The following OVOL2 variants were observed in gnomAD, a reference collection of about 807,000 sequenced individuals.
OVOL2 encodes transcription factor Ovo-like 2.
Under a neutral mutation model 18.1 loss-of-function variants are expected in OVOL2, and 13 were observed. That is an observed-to-expected ratio of 0.72 (90% CI 0.47 to 1.14). The LOEUF is 1.14. OVOL2 is among the 50% of genes most tolerant of loss of function. The pLI, the probability that OVOL2 is intolerant of heterozygous loss-of-function variation, is 0.00. For missense variants in OVOL2, 335 were observed against 383.0 expected (o/e 0.87, Z 1.05); for synonymous variants, 166 against 162.7 (o/e 1.02, Z -0.16).
Position 18,024,479 on chromosome 20 carries a change from T to G in OVOL2, c.*157A>C. ...TGACGTCACTAACGGCAACTGACAA[T>G]CTTGGAATGGACCCTACTGCTGATG... On this transcript the variant is annotated 3_prime_UTR_variant, in exon 4 of 4. Coordinates refer to ENST00000278780, the MANE Select transcript of OVOL2 (RefSeq NM_021220.4). 1 of 1,405,014 alleles carries G rather than the reference T, an allele frequency of 7.1e-7. No individual in the cohort carries two copies. The highest frequency in any genetic ancestry group is 9.3e-7 in the Non-Finnish European group (1 of 1,072,592). The allele number at this position is 1,405,014 out of a possible 1,614,324, so 87.0% of individuals were successfully genotyped here.
At chr20:18,031,720 G>A (rs2036572031) in intron 3 of OVOL2, among the ~76,000 whole-genome samples, 1 of 152,188 alleles carries the variant, frequency 6.6e-6, no homozygotes, top group Admixed American at 6.5e-5. Context: ...TTTAAAATGT[G>A]GCTGGTGGAG....
Position 18,057,839 on chromosome 20 carries a change from C to T in OVOL2, c.-205G>A. ...TCCCAGCCTCCCGGCTCGGCGACAC[C>T]TATGCCTTAAATCGCGAGTGAGACC... On this transcript the variant is annotated 5_prime_UTR_variant, in exon 1 of 4. Coordinates refer to ENST00000278780, the MANE Select transcript of OVOL2 (RefSeq NM_021220.4). This position sits in a 1 kb window ranked among gnomAD's most constrained non-coding sequence, Gnocchi z 6.3. 1.5e-6 allele frequency: 2 copies of T among 1,358,990 alleles called. No homozygotes were observed. Among genetic ancestry groups the T allele is most frequent in the Admixed American group, 3.8e-5 (1 of 26,282 alleles). The allele number at this position is 1,358,990 out of a possible 1,614,324, so 84.2% of individuals were successfully genotyped here. A position where few individuals can be genotyped will look rare whatever the true frequency, so the allele number is the denominator to read the frequency against.
chr20:18,048,419 CTG>C (rs1358477219), intron 2 of OVOL2, among the ~76,000 whole-genome samples: 5 of 152,068 alleles, frequency 3.3e-5, no homozygotes, highest in African/African-American at 1.2e-4. Context: ...ATCTGCAACT[CTG>C]TAATTCAAAA....
intron 3 of OVOL2, among the ~76,000 whole-genome samples, chr20:18,032,317 GAGAA>G (rs1448783414): frequency 1.4e-5 from 2 of 140,816 alleles, no homozygotes; most frequent in African/African-American, 2.7e-5. Flanking sequence ...GAGAGAGAGA[GAGAA>G]AGAAAGAGAG....
In OVOL2 at chr20:18,057,563, A is replaced by C. The variant is rs1209483571; in HGVS notation, c.72T>G (p.Asp24Glu). ...GGATGTAGGTGTCTGCCCTTTTCTCATCCGGGAGCTCATCCCAGCTGCGGA... is the reference window on the plus strand; with the variant it reads ...GGATGTAGGTGTCTGCCCTTTTCTCCTCCGGGAGCTCATCCCAGCTGCGGA... ...VSVRSWDELP[D>E]EKRADTYIPV... Residue 24 changes from aspartate to glutamate, a missense_variant, in exon 1 of 4, where the codon GAT becomes GAG. Transcript: ENST00000278780. This position sits in a 1 kb window ranked among gnomAD's most constrained non-coding sequence, Gnocchi z 6.3. 14 of 1,591,406 alleles carry C rather than the reference A, an allele frequency of 8.8e-6. No individual in the cohort carries two copies. The highest frequency in any genetic ancestry group is 1.2e-5 in the Non-Finnish European group (14 of 1,169,524).
intron 2 of OVOL2, among the ~76,000 whole-genome samples, chr20:18,053,278 C>G (rs998790399): frequency 6.6e-6 from 1 of 152,220 alleles, no homozygotes; most frequent in African/African-American, 2.4e-5. Context: ...GAAAGCTAAA[C>G]ACTTTACACC....
intron 2 of OVOL2, among the ~76,000 whole-genome samples, chr20:18,044,372 C>T (rs2036705156): frequency 6.6e-6 from 1 of 152,198 alleles, no homozygotes; most frequent in South Asian, 2.1e-4. Flanking sequence ...GGTCCCATTC[C>T]TGCCTCCCTA....
rs115042912 is a variant in OVOL2 at position 18,026,780 on chromosome 20, G to A, written c.512-1828C>T. On this transcript the variant is annotated intron_variant, in intron 3 of 3. Coordinates refer to ENST00000278780, the MANE Select transcript of OVOL2 (RefSeq NM_021220.4). ...TCTTTAAGATTCTGGTTGTGGTCTT[G>A]CCTGAGGTCAGGTAAGGTAGTGGCA... is the stretch of plus-strand genomic sequence containing the variant. 8.2e-3 allele frequency among the ~76,000 whole-genome samples: 1,241 copies of A among 152,250 alleles called. 15 individuals carry two copies. Among genetic ancestry groups the A allele is most frequent in the African/African-American group, 0.029 (1,189 of 41,538 alleles).
chr20:18,041,703 G>C lies in OVOL2; in HGVS notation c.342C>G (p.Ser114Arg), dbSNP rs373225008. The C allele has an allele frequency of 1.9e-6, 3 of 1,612,964 alleles. No individual in the cohort carries two copies. The African/African-American group carries it at 4.0e-5, about 22-fold the overall frequency. The change falls in exon 3 of 4, where the codon AGC (serine) becomes AGG (arginine). Residue 114 changes from serine to arginine, a missense_variant. Transcript: ENST00000278780. ...SKIKFTTGTC[S>R]DSVVHSCDLC... ...GGTCACAGCTGTGAACCACCGAGTC[G>C]CTGCACGTGCCTGTGGTGAACTGGG... is the stretch of plus-strand genomic sequence containing the variant.
At chr20:18,041,390 C>T (rs1600444014) in intron 3 of OVOL2, 144 bp downstream of exon 3, 11 of 1,048,060 alleles carry the variant, frequency 1.0e-5, no homozygotes, top group Non-Finnish European at 1.3e-5. Flanking sequence ...GTCTCAAACT[C>T]CTAACCTCGT....
intron 2 of OVOL2, among the ~76,000 whole-genome samples, chr20:18,045,797 G>A (rs1450581429): frequency 3.9e-5 from 6 of 152,060 alleles, no homozygotes; most frequent in African/African-American, 1.4e-4. Flanking sequence ...TTATAAAACA[G>A]GGGAGAAAAT....
intron 3 of OVOL2, among the ~76,000 whole-genome samples, chr20:18,037,700 C>A (rs1240380638): frequency 1.3e-5 from 2 of 152,102 alleles, no homozygotes; most frequent in Admixed American, 1.3e-4. Flanking sequence ...AGGATGGACA[C>A]CCAAGGAGGG....
intron 3 of OVOL2, among the ~76,000 whole-genome samples, chr20:18,027,887 G>A (rs147544469): frequency 3.0e-4 from 45 of 152,252 alleles, no homozygotes; most frequent in African/African-American, 9.6e-4. Context: ...GAGCCACTGC[G>A]CCCGGCTGTA....
In OVOL2 at chr20:18,056,719, C is replaced by T. The variant is rs780325075; in HGVS notation, c.259G>A (p.Ala87Thr). Reference protein sequence around the residue: ...PESETPEPGDAEGPDGHLATK... With the variant: ...PESETPEPGDTEGPDGHLATK... ...GCCAGGTGTCCATCGGGGCCCTCGGCGTCGCCGGGCTCGGGGGTTTCGCTC... is the reference window on the plus strand; with the variant it reads ...GCCAGGTGTCCATCGGGGCCCTCGGTGTCGCCGGGCTCGGGGGTTTCGCTC... Residue 87 changes from alanine (A) to threonine (T), a missense_variant, in exon 2 of 4, where the codon GCC becomes ACC. By Grantham distance (58) the Ala-to-Thr change is moderately conservative (BLOSUM62 0). Transcript: ENST00000278780. The surrounding 1 kb of genome is among the most constrained non-coding windows in gnomAD (Gnocchi z 4.2). 1.4e-6 allele frequency: 2 copies of T among 1,462,928 alleles called. No homozygotes were observed. Among genetic ancestry groups the T allele is most frequent in the Non-Finnish European group, 9.0e-7 (1 of 1,113,422 alleles). 90.6% of individuals were successfully genotyped at this position (1,462,928 alleles called of 1,614,324 possible). A position where few individuals can be genotyped will look rare whatever the true frequency, so the allele number is the denominator to read the frequency against.
intron 3 of OVOL2, among the ~76,000 whole-genome samples, chr20:18,028,442 G>T (rs1160529796): frequency 6.6e-6 from 1 of 151,724 alleles, no homozygotes; most frequent in African/African-American, 2.4e-5. Flanking sequence ...CTCTCAAAGT[G>T]CTGGGATTAC....
intron 2 of OVOL2, among the ~76,000 whole-genome samples, chr20:18,042,823 G>T (rs962326637): frequency 4.8e-5 from 7 of 146,698 alleles, no homozygotes; most frequent in Non-Finnish European, 1.0e-4. Flanking sequence ...CCTCTCTCTT[G>T]CTTCCTCCCT....
At chr20:18,024,995 C>T in intron 3 of OVOL2, 43 bp from the exon 4 acceptor site, 3 of 1,566,404 alleles carry the variant, frequency 1.9e-6, no homozygotes, top group South Asian at 2.4e-5. Flanking sequence ...TGGTCATGGC[C>T]AAGCCAGAAC....
intron 3 of OVOL2, among the ~76,000 whole-genome samples, chr20:18,026,575 G>A (rs1185772098): frequency 6.6e-6 from 1 of 152,122 alleles, no homozygotes; most frequent in Non-Finnish European, 1.5e-5. Context: ...TAGAGACGGG[G>A]TTTCACCATG....
intron 3 of OVOL2, among the ~76,000 whole-genome samples, chr20:18,033,463 G>C (rs11696222): frequency 6.6e-6 from 1 of 152,336 alleles, no homozygotes; most frequent in African/African-American, 2.4e-5. Context: ...CAAAGCCTTA[G>C]CTGGGAGCCC....
Sources: allele counts gnomAD v4.1 joint callset (sites outside exome capture counted in the v4.1 genomes callset), GRCh38; gene constraint gnomAD v4.1.1; non-coding constraint Gnocchi (gnomAD v3.1); transcripts MANE v1.5; gene names NCBI Gene and HGNC (gene_info 2026-07-23, HGNC 2026-07-21).